FHDC1: variants seen among roughly 807,000 people sequenced by gnomAD.
The protein encoded by FHDC1 is FH2 domain containing 1.
FHDC1 carries 25 observed loss-of-function variants against 52.6 expected under a neutral mutation model. The ratio of observed to expected loss-of-function variants is 0.48; its 90% CI spans 0.35 to 0.66. The LOEUF (loss-of-function observed/expected upper bound fraction) is 0.66. Among genes scored for constraint, FHDC1 ranks in the 30% least tolerant of loss-of-function variants. FHDC1 has a pLI of 0.01. For missense variants in FHDC1, 1,459 were observed against 1,452.8 expected (o/e 1.00, Z -0.07); for synonymous variants, 616 against 581.5 (o/e 1.06, Z -0.85).
chr4:152,918,034 A>G, the FHDC1 span, among the ~76,000 whole-genome samples: 1 of 152,230 alleles, frequency 6.6e-6, no homozygotes, highest in Non-Finnish European at 1.5e-5. Flanking sequence ...CAAGTATTAA[A>G]GCTTCATAGT....
chr4:152,951,323 G>A (rs894631969), intron 2 of FHDC1, among the ~76,000 whole-genome samples: 1 of 151,974 alleles, frequency 6.6e-6, no homozygotes, highest in African/African-American at 2.4e-5. Flanking sequence ...CCTTTTAAAG[G>A]GTGTTGAGTT....
chr4:152,937,857 C>G (rs1739443284), intron 1 of FHDC1, among the ~76,000 whole-genome samples: 1 of 152,158 alleles, frequency 6.6e-6, no homozygotes, highest in African/African-American at 2.4e-5. Context: ...CGCGGCCCAG[C>G]CGGTGGCGGC....
rs1363439408 is a variant in FHDC1, at chr4:152,975,005, C to T, written c.1714C>T (p.Pro572Ser). 1.2e-6 allele frequency: 2 copies of T among 1,612,490 alleles called. No individual in the cohort carries two copies. Among genetic ancestry groups the T allele is most frequent in the Non-Finnish European group, 1.7e-6 (2 of 1,179,844 alleles). ...GGAGCCCAATAAGTTCCACAGCCTG[C>T]CCCGGAGCAGCCCCCGGCAGGCCCG... The part of the protein sequence containing the change: ...PEEPNKFHSL[P>S]RSSPRQARPT... Residue 572 changes from proline (P) to serine (S), a missense_variant, in exon 12 of 12, where the codon CCC becomes TCC. This residue lies in a region of FHDC1 where 939 missense variants were observed against 854.5 expected (regional missense o/e 1.10). Coordinates refer to ENST00000511601, the MANE Select transcript of FHDC1 (RefSeq NM_001371116.1).
At chr4:152,969,668 T>G (rs961675649) in intron 10 of FHDC1, among the ~76,000 whole-genome samples, 2 of 146,378 alleles carry the variant, frequency 1.4e-5, no homozygotes, top group African/African-American at 2.5e-5. Context: ...GGCAGTCGTT[T>G]TTTTTTTTTT....
the FHDC1 span, among the ~76,000 whole-genome samples, chr4:152,916,452 A>C: frequency 3.9e-5 from 6 of 152,168 alleles, no homozygotes; most frequent in Non-Finnish European, 8.8e-5. Context: ...GGAAGAGAAA[A>C]AGGAGAGAAA....
Position 152,943,225 on chromosome 4 carries a change from C to A in FHDC1, c.168C>A (p.Ser56=). The A allele has an allele frequency of 6.2e-7, 1 of 1,608,612 alleles. No homozygotes were observed. Among genetic ancestry groups the A allele is most frequent in the Non-Finnish European group, 8.5e-7 (1 of 1,177,398 alleles). ...PCSCSREECP[S]SPPPPPPPPL... ...CATGTTCAAGGGAAGAGTGTCCTTC[C>A]TCCCCTCCTCCACCCCCACCACCTC... Residue 56 remains serine, a synonymous_variant, in exon 2 of 12, where the codon TCC becomes TCA. Transcript: ENST00000511601.
Position 152,974,736 on chromosome 4 carries a change from A to G in FHDC1, c.1445A>G (p.Gln482Arg). 1 of 1,520,696 alleles carries G rather than the reference A, an allele frequency of 6.6e-7. No individual in the cohort carries two copies. Among genetic ancestry groups the G allele is most frequent in the Non-Finnish European group, 8.8e-7 (1 of 1,133,866 alleles). The allele number at this position is 1,520,696 out of a possible 1,614,324, so 94.2% of individuals were successfully genotyped here. Reference sequence around the variant, plus strand: ...CTGCAGAGGCTGAAGGAGCAGGAGCAGAAGCAGCGCTCCTGGGCAACTGGG... The same window carrying G: ...CTGCAGAGGCTGAAGGAGCAGGAGCGGAAGCAGCGCTCCTGGGCAACTGGG... ...RQLQRLKEQE[Q>R]KQRSWATGEL... The change falls in exon 12 of 12, where the codon CAG becomes CGG. Residue 482 changes from glutamine to arginine, a missense_variant. Coordinates refer to ENST00000511601, the MANE Select transcript of FHDC1 (RefSeq NM_001371116.1).
At chr4:152,930,255 C>G in the FHDC1 span, among the ~76,000 whole-genome samples, 2 of 152,208 alleles carry the variant, frequency 1.3e-5, no homozygotes, top group Non-Finnish European at 2.9e-5. Flanking sequence ...CTTCTTTGCT[C>G]TTTTCTCTGG....
chr4:152,966,576 C>T (rs560162607), intron 9 of FHDC1, among the ~76,000 whole-genome samples: 14 of 152,242 alleles, frequency 9.2e-5, no homozygotes, highest in East Asian at 1.9e-4. Context: ...TCTCCTGCAT[C>T]GGCCTCCCAA....
At chr4:152,963,002 T>C (rs372962979) in intron 7 of FHDC1, 21 bp from the exon 8 acceptor site, 186 of 1,609,900 alleles carry the variant, frequency 1.2e-4, no homozygotes, top group South Asian at 5.5e-5. Context: ...TAATTTTTTC[T>C]TTTTGATTTG....
chr4:152,955,784 A>G (rs933103620), intron 4 of FHDC1, among the ~76,000 whole-genome samples: 1 of 152,212 alleles, frequency 6.6e-6, no homozygotes, highest in African/African-American at 2.4e-5. Flanking sequence ...GGCCAACTTT[A>G]TAAGTAAAAA....
chr4:152,969,911 C>T (rs1219563478), intron 10 of FHDC1, among the ~76,000 whole-genome samples: 1 of 152,216 alleles, frequency 6.6e-6, no homozygotes, highest in East Asian at 1.9e-4. Flanking sequence ...CCTCGTGATC[C>T]GCCCACCTCC....
intron 1 of FHDC1, among the ~76,000 whole-genome samples, chr4:152,936,826 A>G (rs1230917540): frequency 2.0e-5 from 3 of 152,224 alleles, no homozygotes; most frequent in Admixed American, 2.0e-4. Context: ...CCCTTGGGAG[A>G]CAGCGGCGTC....
At chr4:152,968,967 G>A (rs1172914263) in intron 10 of FHDC1, among the ~76,000 whole-genome samples, 2 of 152,016 alleles carry the variant, frequency 1.3e-5, no homozygotes, top group Non-Finnish European at 2.9e-5. Context: ...GGGCCCACAG[G>A]GTGTGTCGGG....
At chr4:152,965,327 G>A (rs1740424930) in intron 9 of FHDC1, among the ~76,000 whole-genome samples, 1 of 152,060 alleles carries the variant, frequency 6.6e-6, no homozygotes, top group Non-Finnish European at 1.5e-5. Context: ...AACTTTCATG[G>A]CCACATTTCA....
Position 152,976,226 on chromosome 4 carries a change from G to T in FHDC1, c.2935G>T (p.Gly979Cys), listed in dbSNP as rs778382027. 3.7e-6 allele frequency: 6 copies of T among 1,613,088 alleles called. No individual in the cohort carries two copies. In the Admixed American group the frequency reaches 1.0e-4, roughly 27 times the overall value. ...GAGGGACGTTCCCCTGCAGCCCAGG[G>T]GTTCTTTCAAGAAGCCCAGTGCCAA... ...PGRDVPLQPR[G>C]SFKKPSAKPL... The change falls in exon 12 of 12, where the codon GGT becomes TGT. Residue 979 changes from glycine (G) to cysteine (C), a missense_variant. Transcript: ENST00000511601.
chr4:152,937,256 C>T (rs912450839), intron 1 of FHDC1, among the ~76,000 whole-genome samples: 7 of 152,150 alleles, frequency 4.6e-5, no homozygotes, highest in African/African-American at 1.4e-4. Flanking sequence ...GGGAAGATGT[C>T]GCGGCGGAGG....
chr4:152,972,455 T>A lies in FHDC1; in HGVS notation c.1297T>A (p.Phe433Ile). Residue 433 changes from phenylalanine (F) to isoleucine (I), a missense_variant, in exon 11 of 12, where the codon TTC becomes ATC. Phe to Ile is a conservative substitution (Grantham distance 21, BLOSUM62 0). Around this residue, in one of 3 missense-constraint regions of FHDC1, gnomAD observed 513 missense variants for 581.5 expected, o/e 0.88. Coordinates refer to ENST00000511601, the MANE Select transcript of FHDC1 (RefSeq NM_001371116.1). Reference sequence around the variant, plus strand: ...TGAGGCCTACACCCTTATAGATTTTTTCTGTGAAGACAAAAAAACCATGAA... The same window carrying A: ...TGAGGCCTACACCCTTATAGATTTTATCTGTGAAGACAAAAAAACCATGAA... ...QDEAYTLIDF[F>I]CEDKKTMKLD... 1 of 1,614,042 alleles carries A rather than the reference T, an allele frequency of 6.2e-7. No homozygotes were observed. Among genetic ancestry groups the A allele is most frequent in the Non-Finnish European group, 8.5e-7 (1 of 1,179,992 alleles).
chr4:152,975,304 G>C lies in FHDC1; in HGVS notation c.2013G>C (p.Lys671Asn). The part of the protein sequence containing the change: ...PPLSPLALGI[K>N]EHELVTGLAQ... Reference sequence around the variant, plus strand: ...TCTCGCCATTGGCTCTGGGAATTAAGGAGCATGAGCTGGTGACAGGGCTGG... The same window carrying C: ...TCTCGCCATTGGCTCTGGGAATTAACGAGCATGAGCTGGTGACAGGGCTGG... The change falls in exon 12 of 12, where the codon AAG becomes AAC. Residue 671 changes from lysine (K) to asparagine (N), a missense_variant. This residue lies in a region of FHDC1 where 939 missense variants were observed against 854.5 expected (regional missense o/e 1.10). Coordinates refer to ENST00000511601, the MANE Select transcript of FHDC1 (RefSeq NM_001371116.1). 6.2e-7 allele frequency: 1 copy of C among 1,613,668 alleles called. No homozygotes were observed. Among genetic ancestry groups the C allele is most frequent in the Non-Finnish European group, 8.5e-7 (1 of 1,180,030 alleles).
Sources: gnomAD v4.1 joint callset for allele counts (sites outside exome capture counted in the v4.1 genomes callset) on GRCh38, gnomAD v4.1.1 for gene constraint, gnomAD v4.1.1 regional missense constraint, MANE v1.5 for transcripts, NCBI Gene and HGNC (gene_info 2026-07-23, HGNC 2026-07-21) for gene names.